The following COL8A1 variants were observed in gnomAD, a reference collection of about 807,000 sequenced individuals.
COL8A1 encodes the protein collagen type VIII alpha 1 chain, also known as collagen alpha-1(VIII) chain.
A neutral mutation model predicts 42.7 loss-of-function variants in COL8A1; 21 were observed. That is an observed-to-expected ratio of 0.49 (90% CI 0.35 to 0.71). The LOEUF is 0.71. Among genes scored for constraint, COL8A1 ranks in the 30% least tolerant of loss-of-function variants. The pLI is 0.01. For synonymous variants in COL8A1, 367 were observed against 369.1 expected (o/e 0.99, Z 0.06); for missense variants, 788 against 962.4 (o/e 0.82, Z 2.40).
intron 1 of COL8A1, among the ~76,000 whole-genome samples, chr3:99,730,884 C>T (rs768377874): frequency 4.6e-5 from 7 of 152,136 alleles, no homozygotes; most frequent in African/African-American, 7.2e-5. Flanking sequence ...CTAATCAGAA[C>T]CATTAAAGTC....
chr3:99,666,187 A>C (rs1938364034), intron 1 of COL8A1, among the ~76,000 whole-genome samples: 1 of 152,228 alleles, frequency 6.6e-6, no homozygotes, highest in Non-Finnish European at 1.5e-5. Context: ...ATGGCTTCCA[A>C]GGTGCTCTAA....
intron 1 of COL8A1, among the ~76,000 whole-genome samples, chr3:99,743,902 AT>A (rs1365788964): frequency 1.3e-5 from 2 of 150,716 alleles, no homozygotes; most frequent in Non-Finnish European, 3.0e-5. Context: ...CTCTTAAAAT[AT>A]TTTTTGAACA....
At chr3:99,785,516 G>T (rs1941877094) in intron 2 of COL8A1, among the ~76,000 whole-genome samples, 1 of 152,186 alleles carries the variant, frequency 6.6e-6, no homozygotes, top group Non-Finnish European at 1.5e-5. Context: ...CACAGAGGAG[G>T]CAGGAATAGA....
chr3:99,794,949 A>T lies in COL8A1; in HGVS notation c.1048A>T (p.Ile350Phe). Residue 350 changes from isoleucine (I) to phenylalanine (F), a missense_variant, in exon 4 of 4, where the codon ATT (isoleucine) becomes TTT (phenylalanine). Coordinates refer to ENST00000652472, the MANE Select transcript of COL8A1 (RefSeq NM_020351.4). The surrounding 1 kb of genome is among the most constrained non-coding windows in gnomAD (Gnocchi z 4.3). ...GLPGPPGLPG[I>F]GKPGFPGPKG... Reference sequence around the variant, plus strand: ...ACCAGGACCCCCAGGCCTTCCAGGGATTGGGAAACCAGGCTTCCCAGGACC... The same window carrying T: ...ACCAGGACCCCCAGGCCTTCCAGGGTTTGGGAAACCAGGCTTCCCAGGACC... 1.3e-6 allele frequency: 2 copies of T among 1,593,286 alleles called. No homozygotes were observed. The highest frequency in any genetic ancestry group is 1.7e-6 in the Non-Finnish European group (2 of 1,170,280).
chr3:99,692,005 T>C (rs1291648468), intron 1 of COL8A1: 1 of 152,110 alleles, frequency 6.6e-6, no homozygotes, highest in Non-Finnish European at 1.5e-5. Flanking sequence ...ATCACGTTAT[T>C]CCTGGAGATA....
intron 1 of COL8A1, among the ~76,000 whole-genome samples, chr3:99,669,116 A>C (rs746530823): frequency 2.9e-4 from 39 of 136,294 alleles, no homozygotes; most frequent in Admixed American, 4.7e-4. Context: ...ACCTTGTCTT[A>C]AAAAAATTAT....
At chr3:99,776,593 G>T (rs1322314071) in intron 2 of COL8A1, among the ~76,000 whole-genome samples, 1 of 152,100 alleles carries the variant, frequency 6.6e-6, no homozygotes. Context: ...TACCGGAAAG[G>T]GGTCCCAATC....
intron 1 of COL8A1, among the ~76,000 whole-genome samples, chr3:99,697,923 C>T (rs1031364035): frequency 6.6e-6 from 1 of 152,116 alleles, no homozygotes; most frequent in Non-Finnish European, 1.5e-5. Flanking sequence ...CCCATCAACT[C>T]GTCATTTACA....
chr3:99,665,513 C>G (rs139656699), intron 1 of COL8A1, among the ~76,000 whole-genome samples: 1 of 152,152 alleles, frequency 6.6e-6, no homozygotes, highest in East Asian at 1.9e-4. Flanking sequence ...CAACTGGGAC[C>G]ACACACACCA....
chr3:99,735,442 C>G (rs28897444), intron 1 of COL8A1, among the ~76,000 whole-genome samples: 6 of 56,024 alleles, frequency 1.1e-4, no homozygotes, highest in African/African-American at 4.6e-4. Context: ...TGTTTATATG[C>G]TGGATTACAT....
intron 1 of COL8A1, among the ~76,000 whole-genome samples, chr3:99,732,510 A>G (rs1418360898): frequency 6.6e-6 from 1 of 152,134 alleles, no homozygotes; most frequent in Non-Finnish European, 1.5e-5. Flanking sequence ...TTATAAAACC[A>G]TCAGATCTCA....
intron 1 of COL8A1, among the ~76,000 whole-genome samples, chr3:99,713,151 ACTT>A (rs1256096378): frequency 1.3e-5 from 2 of 152,116 alleles, no homozygotes; most frequent in Admixed American, 6.6e-5. Context: ...CCTGAGAGTT[ACTT>A]CTTCTTATTG....
intron 1 of COL8A1, chr3:99,678,153 CA>C (rs1938757714): frequency 6.6e-6 from 1 of 152,094 alleles, no homozygotes; most frequent in Non-Finnish European, 1.5e-5. Flanking sequence ...CACATTTAAA[CA>C]GGGGAACAAA....
chr3:99,792,923 T>C (rs765265386), intron 3 of COL8A1, among the ~76,000 whole-genome samples: 5 of 152,206 alleles, frequency 3.3e-5, no homozygotes, highest in Non-Finnish European at 5.9e-5. Flanking sequence ...ACACAAAAAA[T>C]AACTCTATTC....
chr3:99,789,607 C>T (rs1450256534), intron 2 of COL8A1, among the ~76,000 whole-genome samples: 1 of 152,110 alleles, frequency 6.6e-6, no homozygotes, highest in African/African-American at 2.4e-5. Context: ...TGGTTTTAAG[C>T]CTAGGGCGTT....
chr3:99,660,721 C>T (rs754213586), intron 1 of COL8A1, among the ~76,000 whole-genome samples: 12 of 152,262 alleles, frequency 7.9e-5, no homozygotes, highest in South Asian at 6.2e-4. Flanking sequence ...AATTAGAAAG[C>T]TTAAAATAGA....
intron 1 of COL8A1, among the ~76,000 whole-genome samples, chr3:99,690,873 G>T (rs1241417444): frequency 6.6e-6 from 1 of 152,158 alleles, no homozygotes; most frequent in Non-Finnish European, 1.5e-5. Context: ...CCTGCAAGGG[G>T]AATTCTAGAT....
At chr3:99,787,872 A>ACCC (rs1941926426) in intron 2 of COL8A1, among the ~76,000 whole-genome samples, 2 of 151,142 alleles carry the variant, frequency 1.3e-5, no homozygotes, top group African/African-American at 4.9e-5. Context: ...ACACACACAC[A>ACCC]CACCCACACC....
intron 1 of COL8A1, among the ~76,000 whole-genome samples, chr3:99,722,843 A>G (rs568192855): frequency 1.3e-5 from 2 of 152,218 alleles, no homozygotes; most frequent in East Asian, 3.9e-4. Flanking sequence ...CTTATAGACT[A>G]TTATGATTTA....
Sources: allele counts gnomAD v4.1 joint callset (sites outside exome capture counted in the v4.1 genomes callset), GRCh38; gene constraint gnomAD v4.1.1; non-coding constraint Gnocchi (gnomAD v3.1); transcripts MANE v1.5; gene names NCBI Gene and HGNC (gene_info 2026-07-23, HGNC 2026-07-21).